The following PDCD1LG2 variants were observed in gnomAD, a reference collection of about 807,000 sequenced individuals.
PDCD1LG2 encodes B7 dendritic cell molecule.
PDCD1LG2 carries 32 observed loss-of-function variants against 28.2 expected under a neutral mutation model. The observed-to-expected ratio is 1.13, with a 90% CI of 0.86 to 1.52. PDCD1LG2 has a LOEUF of 1.52. Ranked by LOEUF, PDCD1LG2 falls within the 40% of genes most tolerant of loss-of-function variation. PDCD1LG2 has a pLI of 0.00. For missense variants in PDCD1LG2, 385 were observed against 323.8 expected, an observed-to-expected ratio of 1.19 and a Z score of -1.45; for synonymous variants, 116 against 120.2, an observed-to-expected ratio of 0.97 and a Z score of 0.23.
chr9:5,570,539 A>G lies in PDCD1LG2; in HGVS notation c.*580A>G, dbSNP rs1816750857. ...TAATTAACAGAGAGCATTTAAATAT[A>G]CACTAAGTGCACAAATTGTGGAGTA... On this transcript the variant is annotated 3_prime_UTR_variant, in exon 7 of 7. Coordinates refer to ENST00000397747, the MANE Select transcript of PDCD1LG2 (RefSeq NM_025239.4). 1 of 232,942 alleles carries G rather than the reference A, an allele frequency of 4.3e-6. No homozygotes were observed. The highest frequency in any genetic ancestry group is 1.8e-4 in the South Asian group (1 of 5,526). The allele number at this position is 232,942 out of a possible 1,614,324, so 14.4% of individuals were successfully genotyped here.
chr9:5,529,262 C>A (rs1214044470), intron 2 of PDCD1LG2, among the ~76,000 whole-genome samples: 1 of 152,156 alleles, frequency 6.6e-6, no homozygotes, highest in Non-Finnish European at 1.5e-5. Flanking sequence ...TCTATATTTT[C>A]TTCTACACAT....
intron 2 of PDCD1LG2, among the ~76,000 whole-genome samples, chr9:5,529,831 A>C (rs1327617617): frequency 1.3e-5 from 2 of 152,186 alleles, no homozygotes; most frequent in African/African-American, 2.4e-5. Flanking sequence ...GAGAATAATC[A>C]GGTTGGGGAA....
intron 2 of PDCD1LG2, 147 bp from the exon 3 acceptor site, chr9:5,534,598 G>A (rs778056100): frequency 1.0e-5 from 7 of 684,366 alleles, no homozygotes; most frequent in Non-Finnish European, 1.7e-5. Flanking sequence ...ATGGGGCAAA[G>A]GAGAAAAAGG....
Position 5,571,073 on chromosome 9 carries a change from C to A in PDCD1LG2, c.*1114C>A. On this transcript the variant is annotated 3_prime_UTR_variant, in exon 7 of 7. Coordinates refer to ENST00000397747, the MANE Select transcript of PDCD1LG2 (RefSeq NM_025239.4). ...TGAACTATTCAAATGGGCACATTAG[C>A]TAGTATAACAGACTTACATAGGTGG... 1 of 232,366 alleles carries A rather than the reference C, an allele frequency of 4.3e-6. No individual in the cohort carries two copies. Among genetic ancestry groups the A allele is most frequent in the Non-Finnish European group, 8.5e-6 (1 of 117,494 alleles). The allele number at this position is 232,366 out of a possible 1,614,324, so 14.4% of individuals were successfully genotyped here. A position where few individuals can be genotyped will look rare whatever the true frequency, so the allele number is the denominator to read the frequency against.
At chr9:5,546,725 A>T (rs528110452) in intron 3 of PDCD1LG2, among the ~76,000 whole-genome samples, 1 of 152,358 alleles carries the variant, frequency 6.6e-6, no homozygotes, top group Non-Finnish European at 1.5e-5. Context: ...ATTACAAAAT[A>T]GTAATATGAA....
chr9:5,540,134 T>C (rs530921259), intron 3 of PDCD1LG2, among the ~76,000 whole-genome samples: 1 of 152,310 alleles, frequency 6.6e-6, no homozygotes, highest in East Asian at 1.9e-4. Flanking sequence ...TAATGAGTGA[T>C]CATTGGGTGA....
chr9:5,564,366 C>A (rs1816623247), intron 6 of PDCD1LG2, among the ~76,000 whole-genome samples: 1 of 152,140 alleles, frequency 6.6e-6, no homozygotes, highest in African/African-American at 2.4e-5. Context: ...TATTTGGATG[C>A]AATAGCAATG....
chr9:5,558,077 G>A lies in PDCD1LG2; in HGVS notation c.766+325G>A, dbSNP rs55910429. On this transcript the variant is annotated intron_variant, in intron 5 of 6. Transcript: ENST00000397747. Reference sequence around the variant, plus strand: ...GGCAATGCAGAGAGCTACGTGCTCCGATTTTGCTGGTGGGAGGTTGCCAGG... The same window carrying A: ...GGCAATGCAGAGAGCTACGTGCTCCAATTTTGCTGGTGGGAGGTTGCCAGG... Among the ~76,000 whole-genome samples the A allele has an allele frequency of 1.5e-4, 23 of 152,308 alleles. No homozygotes were observed. The South Asian group carries it at 2.7e-3, about 18-fold the overall frequency.
intron 1 of PDCD1LG2, among the ~76,000 whole-genome samples, chr9:5,511,295 T>C (rs1442800996): frequency 2.0e-5 from 3 of 152,198 alleles, no homozygotes; most frequent in Non-Finnish European, 2.9e-5. Flanking sequence ...TAATAACTTA[T>C]AGAGGTAATC....
intron 5 of PDCD1LG2, among the ~76,000 whole-genome samples, chr9:5,558,126 T>C (rs1009686072): frequency 1.3e-5 from 2 of 152,158 alleles, no homozygotes; most frequent in African/African-American, 4.8e-5. Context: ...ATTCCTTCCA[T>C]TTTCACCCCT....
chr9:5,524,269 G>T (rs1339142339), intron 2 of PDCD1LG2, among the ~76,000 whole-genome samples: 1 of 152,204 alleles, frequency 6.6e-6, no homozygotes, highest in Non-Finnish European at 1.5e-5. Flanking sequence ...GTGCTACCAT[G>T]ATGATGGTAA....
intron 6 of PDCD1LG2, among the ~76,000 whole-genome samples, chr9:5,567,073 G>T (rs72689436): frequency 1.3e-5 from 2 of 152,180 alleles, no homozygotes; most frequent in South Asian, 4.1e-4. Flanking sequence ...AAAAGAAGAA[G>T]AATACTTTCT....
intron 2 of PDCD1LG2, among the ~76,000 whole-genome samples, chr9:5,526,407 T>C (rs1466479112): frequency 6.6e-6 from 1 of 152,188 alleles, no homozygotes; most frequent in Admixed American, 6.5e-5. Context: ...TAGCACTATC[T>C]GATATGCCCT....
intron 5 of PDCD1LG2, among the ~76,000 whole-genome samples, chr9:5,561,983 T>C (rs1481606482): frequency 1.3e-5 from 2 of 152,126 alleles, no homozygotes; most frequent in Non-Finnish European, 2.9e-5. Flanking sequence ...CAAACCCTCA[T>C]GAAAGAGACT....
chr9:5,529,230 C>A (rs1239123897), intron 2 of PDCD1LG2, among the ~76,000 whole-genome samples: 1 of 152,176 alleles, frequency 6.6e-6, no homozygotes, highest in Non-Finnish European at 1.5e-5. Context: ...CTTTACATAA[C>A]CCAAGATGTA....
chr9:5,571,282 A>G lies in PDCD1LG2; in HGVS notation c.*1323A>G, dbSNP rs1032444501. 1.3e-5 allele frequency: 3 copies of G among 228,184 alleles called. No homozygotes were observed. The highest frequency in any genetic ancestry group is 2.6e-5 in the Non-Finnish European group (3 of 114,972). The allele number at this position is 228,184 out of a possible 1,614,324, so 14.1% of individuals were successfully genotyped here. A position where few individuals can be genotyped will look rare whatever the true frequency, so the allele number is the denominator to read the frequency against. ...TTCTTTATATATTCTACTTTTGGGT[A>G]AGAGGTTTGCTCAGGGTCTTGCAAG... On this transcript the variant is annotated 3_prime_UTR_variant, in exon 7 of 7. Coordinates refer to ENST00000397747, the MANE Select transcript of PDCD1LG2 (RefSeq NM_025239.4).
chr9:5,530,263 G>A (rs1409090001), intron 2 of PDCD1LG2, among the ~76,000 whole-genome samples: 1 of 152,114 alleles, frequency 6.6e-6, no homozygotes, highest in Non-Finnish European at 1.5e-5. Context: ...AATTTTTCAT[G>A]CTTTTGCCAA....
chr9:5,555,750 T>A (rs1389779181), intron 4 of PDCD1LG2, among the ~76,000 whole-genome samples: 1 of 152,098 alleles, frequency 6.6e-6, no homozygotes, highest in Non-Finnish European at 1.5e-5. Context: ...AGTAAACGAG[T>A]GGTGGAAAAC....
intron 3 of PDCD1LG2, among the ~76,000 whole-genome samples, chr9:5,535,862 G>A (rs1198070969): frequency 6.6e-6 from 1 of 152,128 alleles, no homozygotes; most frequent in Non-Finnish European, 1.5e-5. Flanking sequence ...TCACACTCTT[G>A]TTTGTTCTAG....
Sources: gnomAD v4.1 joint callset for allele counts (sites outside exome capture counted in the v4.1 genomes callset) on GRCh38, gnomAD v4.1.1 for gene constraint, MANE v1.5 for transcripts, NCBI Gene and HGNC (gene_info 2026-07-23, HGNC 2026-07-21) for gene names.